Variants in CADPS observed in about 807,000 individuals in gnomAD.
The protein encoded by CADPS is calcium dependent secretion activator, also known as calcium-dependent secretion activator 1.
A neutral mutation model predicts 167.3 loss-of-function variants in CADPS; 57 were observed. The ratio of observed to expected loss-of-function variants is 0.34; its 90% CI spans 0.28 to 0.42. The LOEUF is 0.42. Ranked by LOEUF, CADPS falls within the 20% of genes least tolerant of loss-of-function variation. CADPS has a pLI of 1.00. For missense variants in CADPS, 1,414 were observed against 1,738.1 expected (o/e 0.81, Z 3.32); for synonymous variants, 676 against 635.3 (o/e 1.06, Z -0.96).
intron 4 of CADPS, among the ~76,000 whole-genome samples, chr3:62,658,710 C>G (rs2072375173): frequency 6.6e-6 from 1 of 152,100 alleles, no homozygotes; most frequent in Non-Finnish European, 1.5e-5. Flanking sequence ...ACCCACAGCC[C>G]CACTTCTTCC....
At chr3:62,845,431 G>C (rs2077257682) in intron 1 of CADPS, among the ~76,000 whole-genome samples, 2 of 152,136 alleles carry the variant, frequency 1.3e-5, no homozygotes, top group Non-Finnish European at 2.9e-5. Context: ...CTAAAAAGGG[G>C]ATAATACATC....
At chr3:62,515,648 T>A (rs2068794204) in intron 16 of CADPS, among the ~76,000 whole-genome samples, 1 of 152,058 alleles carries the variant, frequency 6.6e-6, no homozygotes, top group African/African-American at 2.4e-5. Flanking sequence ...CTCTTTTCAG[T>A]TCTTGTATTG....
At chr3:62,541,885 A>G (rs982722703) in intron 11 of CADPS, among the ~76,000 whole-genome samples, 5 of 152,152 alleles carry the variant, frequency 3.3e-5, no homozygotes, top group African/African-American at 9.7e-5. Flanking sequence ...TGTTTCTAAC[A>G]TATATATTTT....
intron 3 of CADPS, among the ~76,000 whole-genome samples, chr3:62,738,760 A>G (rs1052788843): frequency 6.6e-6 from 1 of 152,136 alleles, no homozygotes; most frequent in Non-Finnish European, 1.5e-5. Context: ...TTAAAAAATG[A>G]TTGCTTTTTC....
intron 18 of CADPS, among the ~76,000 whole-genome samples, chr3:62,498,334 G>A (rs1424696063): frequency 6.6e-6 from 1 of 152,096 alleles, no homozygotes; most frequent in Non-Finnish European, 1.5e-5. Flanking sequence ...ATTACTTTTA[G>A]GAAATGTCAT....
chr3:62,868,317 C>G (rs970375397), intron 1 of CADPS, among the ~76,000 whole-genome samples: 1 of 151,990 alleles, frequency 6.6e-6, no homozygotes, highest in Non-Finnish European at 1.5e-5. Context: ...AAGAACCAGA[C>G]AGCTTATATC....
chr3:62,410,407 G>C (rs1428003698), intron 28 of CADPS, among the ~76,000 whole-genome samples: 2 of 152,200 alleles, frequency 1.3e-5, no homozygotes, highest in African/African-American at 4.8e-5. Context: ...CAGTGCTGTG[G>C]CTGAATCTTT....
intron 3 of CADPS, among the ~76,000 whole-genome samples, chr3:62,697,314 T>C (rs1326038401): frequency 6.6e-6 from 1 of 152,004 alleles, no homozygotes; most frequent in African/African-American, 2.4e-5. Context: ...TTCTTATGCC[T>C]TTGCATCCTC....
At chr3:62,852,238 G>A (rs2078755506) in intron 1 of CADPS, among the ~76,000 whole-genome samples, 2 of 151,508 alleles carry the variant, frequency 1.3e-5, no homozygotes, top group African/African-American at 4.9e-5. Context: ...CCGTAGCTCA[G>A]AGTAATTTGA....
intron 11 of CADPS, among the ~76,000 whole-genome samples, chr3:62,541,236 C>A (rs191601944): frequency 1.3e-5 from 2 of 152,118 alleles, no homozygotes; most frequent in East Asian, 3.9e-4. Context: ...GTTCCTAAGT[C>A]CTGCTTGGTC....
intron 6 of CADPS, among the ~76,000 whole-genome samples, chr3:62,603,993 ATTTTTT>A (rs11426162): frequency 4.7e-5 from 7 of 147,684 alleles, no homozygotes; most frequent in African/African-American, 1.5e-4. Context: ...CGCCCGGCTA[ATTTTTT>A]TTTTTTATTT....
chr3:62,849,902 G>T (rs2078208630), intron 1 of CADPS, among the ~76,000 whole-genome samples: 1 of 94,528 alleles, frequency 1.1e-5, no homozygotes, highest in Non-Finnish European at 2.2e-5. Context: ...GAATCCATCT[G>T]GTCCTGGACT....
intron 3 of CADPS, among the ~76,000 whole-genome samples, chr3:62,726,652 T>G (rs1173671342): frequency 1.3e-5 from 2 of 151,970 alleles, no homozygotes; most frequent in Admixed American, 6.5e-5. Context: ...GCGATAGCTT[T>G]GAGTGACCCA....
At position 62,547,594 on chromosome 3, in the gene CADPS, C is replaced by CA. The variant is rs945940616; in HGVS notation, c.1966+2308_1966+2309insT. Among the ~76,000 whole-genome samples, 11 of 110,470 alleles carry CA rather than the reference C, an allele frequency of 1.0e-4. 1 individual carries two copies. Among genetic ancestry groups the CA allele is most frequent in the African/African-American group, 3.4e-4 (9 of 26,272 alleles). The allele number at this position is 110,470 out of a possible 152,430, so 72.5% of individuals were successfully genotyped here. ...GGGATGATATCATTTACGCCCCCCC[C>CA]CCCCCGCAAATTCTAACTCTTAGGA... is the stretch of plus-strand genomic sequence containing the variant. On this transcript the variant is annotated intron_variant, in intron 11 of 29. Transcript: ENST00000383710.
At chr3:62,668,699 G>C (rs1488983744) in intron 3 of CADPS, among the ~76,000 whole-genome samples, 4 of 152,134 alleles carry the variant, frequency 2.6e-5, no homozygotes, top group African/African-American at 9.7e-5. Flanking sequence ...AGCTCCATAA[G>C]GGCAGGGATG....
In CADPS at chr3:62,478,535, T is replaced by G. The variant is rs1188784353; in HGVS notation, c.3174-119A>C. The G allele has an allele frequency of 1.1e-6, 1 of 926,498 alleles. No individual in the cohort carries two copies. Among genetic ancestry groups the G allele is most frequent in the Non-Finnish European group, 1.6e-6 (1 of 617,630 alleles). 57.4% of individuals were successfully genotyped at this position (926,498 alleles called of 1,614,324 possible). ...AGCAGCTTCAACATACAAAACAACG[T>G]GTGTTGGCGGTGGAGGCGGGGGCGA... On this transcript the variant is annotated intron_variant, in intron 22 of 29. Coordinates refer to ENST00000383710, the MANE Select transcript of CADPS (RefSeq NM_003716.4). This position sits in a 1 kb window ranked among gnomAD's most constrained non-coding sequence, Gnocchi z 5.7.
chr3:62,510,913 A>T (rs978108500), intron 17 of CADPS, among the ~76,000 whole-genome samples: 3 of 152,308 alleles, frequency 2.0e-5, no homozygotes, highest in Non-Finnish European at 4.4e-5. Flanking sequence ...GAGACCTGAT[A>T]TACTTAGAAA....
chr3:62,629,925 T>A (rs1282426524), intron 6 of CADPS, among the ~76,000 whole-genome samples: 1 of 152,182 alleles, frequency 6.6e-6, no homozygotes, highest in African/African-American at 2.4e-5. Flanking sequence ...ATAGCTCCTC[T>A]ATAAGGAGGT....
chr3:62,400,878 G>C (rs771081508), intron 29 of CADPS, among the ~76,000 whole-genome samples: 1 of 152,078 alleles, frequency 6.6e-6, no homozygotes, highest in Non-Finnish European at 1.5e-5. Context: ...GATTACGGGC[G>C]TGAGCCATCG....
Sources: allele counts gnomAD v4.1 joint callset (sites outside exome capture counted in the v4.1 genomes callset), GRCh38; gene constraint gnomAD v4.1.1; non-coding constraint Gnocchi (gnomAD v3.1); transcripts MANE v1.5; gene names NCBI Gene and HGNC (gene_info 2026-07-23, HGNC 2026-07-21).